The following MYOM1 variants were observed in gnomAD, a reference collection of about 807,000 sequenced individuals.
MYOM1 encodes the protein myomesin-1.
In MYOM1, 164 loss-of-function variants were observed where a neutral mutation model predicts 205.3. That is an observed-to-expected ratio of 0.80 (90% confidence interval 0.70 to 0.91). MYOM1 has a LOEUF of 0.91. MYOM1 is among the 40% of genes least tolerant of loss of function. The pLI is 0.00. For missense variants in MYOM1, 2,011 were observed against 2,127.3 expected (o/e 0.95, Z 1.08); for synonymous variants, 772 against 789.4 (o/e 0.98, Z 0.37).
chr18:3,107,416 C>T (rs2079466577), intron 22 of MYOM1, among the ~76,000 whole-genome samples: 1 of 152,202 alleles, frequency 6.6e-6, no homozygotes. Context: ...CGCACCCGGC[C>T]AGGTTTAAAA....
chr18:3,197,833 A>G (rs4299241), intron 2 of MYOM1, among the ~76,000 whole-genome samples: 9 of 152,228 alleles, frequency 5.9e-5, no homozygotes, highest in Non-Finnish European at 1.3e-4. Context: ...AGATCGCACC[A>G]CTGCACTCTG....
chr18:3,207,687 C>T (rs760683068), intron 2 of MYOM1, among the ~76,000 whole-genome samples: 5 of 152,226 alleles, frequency 3.3e-5, no homozygotes, highest in Non-Finnish European at 7.3e-5. Flanking sequence ...CACTACCTGG[C>T]CAGTGCCGAC....
At chr18:3,067,659 A>G (rs2078913067) in intron 37 of MYOM1, 104 bp from the exon 38 acceptor site, 2 of 1,243,146 alleles carry the variant, frequency 1.6e-6, no homozygotes, top group African/African-American at 1.5e-5. Context: ...AAGGGAGGAT[A>G]AGTAAAAGCC....
At position 3,142,016 on chromosome 18, in the gene MYOM1, T is replaced by A. The variant is rs1245606909; in HGVS notation, c.1948A>T (p.Thr650Ser). 1 of 1,613,760 alleles carries A rather than the reference T, an allele frequency of 6.2e-7. No individual in the cohort carries two copies. ...PPTDLSVTEA[T>S]RSYVVLSWKP... is the part of the protein sequence containing the mutation. ...CAGCTGAGCACCACATAGCTCCGGGTGGCCTCAGTGACAGAGAGGTCTGTC... is the reference window on the plus strand; with the variant it reads ...CAGCTGAGCACCACATAGCTCCGGGAGGCCTCAGTGACAGAGAGGTCTGTC... The change falls in exon 14 of 38, where the codon ACC (threonine) becomes TCC (serine). Residue 650 changes from threonine to serine, a missense_variant. Physicochemically the swap from Thr to Ser is moderately conservative, Grantham distance 58. Transcript: ENST00000356443.
chr18:3,246,644 G>A, the MYOM1 span: 7,888 of 152,244 alleles, frequency 0.052, 579 homozygotes, highest in African/African-American at 0.16. Context: ...ACTATTCCGC[G>A]GCGTTTACAG....
intron 33 of MYOM1, 111 bp from the exon 34 acceptor site, chr18:3,079,453 G>A (rs1019051198): frequency 6.7e-5 from 80 of 1,198,424 alleles, no homozygotes; most frequent in Middle Eastern, 2.5e-4. Flanking sequence ...TTCAAAAAAC[G>A]AGGGATCTGC....
chr18:3,240,499 A>G, the MYOM1 span, among the ~76,000 whole-genome samples: 3 of 152,232 alleles, frequency 2.0e-5, no homozygotes, highest in Non-Finnish European at 4.4e-5. Flanking sequence ...CACCATGTAG[A>G]CATGCCTTTC....
chr18:3,228,401 G>A, the MYOM1 span, among the ~76,000 whole-genome samples: 2 of 152,156 alleles, frequency 1.3e-5, no homozygotes, highest in Non-Finnish European at 2.9e-5. The surrounding 1 kb of genome is among the most constrained non-coding windows in gnomAD (Gnocchi z 4.5). Flanking sequence ...GAAACAGGCT[G>A]GAACAACGGA....
chr18:3,078,973 C>CT lies in MYOM1; in HGVS notation c.4648+205dup, dbSNP rs11408756. Among the ~76,000 whole-genome samples the CT allele has an allele frequency of 0.82, 86,879 of 105,890 alleles. 36,533 individuals are homozygous for CT. The highest frequency in any genetic ancestry group is 0.89 in the Admixed American group (7,870 of 8,890). 69.5% of individuals were successfully genotyped at this position (105,890 alleles called of 152,430 possible). On this transcript the variant is annotated intron_variant, in intron 34 of 37. Transcript: ENST00000356443. Reference sequence around the variant, plus strand: ...AGGTGTGTGCCACTTTACCCAGCTACTTTTTTTTTTTTTTTTTTTTTTAGA... The same window carrying CT: ...AGGTGTGTGCCACTTTACCCAGCTACTTTTTTTTTTTTTTTTTTTTTTTAGA...
chr18:3,149,961 G>A (rs1214720738), intron 12 of MYOM1, among the ~76,000 whole-genome samples: 2 of 152,184 alleles, frequency 1.3e-5, no homozygotes, highest in African/African-American at 4.8e-5. Context: ...GAATTTGCAA[G>A]TTTAGAAAGG....
upstream of MYOM1, among the ~76,000 whole-genome samples, chr18:3,222,748 C>T (rs1310464054): frequency 6.7e-6 from 1 of 150,328 alleles, no homozygotes; most frequent in South Asian, 2.1e-4. Flanking sequence ...CAGGCATACA[C>T]ACACAGTTAA....
intron 2 of MYOM1, among the ~76,000 whole-genome samples, chr18:3,195,728 T>C (rs912983568): frequency 6.6e-6 from 1 of 152,234 alleles, no homozygotes; most frequent in Non-Finnish European, 1.5e-5. Context: ...TTCTTTTCAT[T>C]GCATTGCTCC....
the MYOM1 span, among the ~76,000 whole-genome samples, chr18:3,239,853 G>A: frequency 6.6e-6 from 1 of 151,228 alleles, no homozygotes. Context: ...CTTGAAGTCT[G>A]TGGTCATTAA....
chr18:3,091,159 C>T (rs1341829837), intron 26 of MYOM1, among the ~76,000 whole-genome samples: 1 of 151,914 alleles, frequency 6.6e-6, no homozygotes, highest in East Asian at 1.9e-4. Flanking sequence ...CTACTAAAAA[C>T]ACAAAAATTA....
intron 5 of MYOM1, among the ~76,000 whole-genome samples, chr18:3,185,559 T>C (rs1054964998): frequency 1.7e-4 from 26 of 152,302 alleles, no homozygotes; most frequent in African/African-American, 6.3e-4. Flanking sequence ...TGGGAAGTAA[T>C]TGGTTTTTTA....
At chr18:3,206,928 T>G (rs961134422) in intron 2 of MYOM1, among the ~76,000 whole-genome samples, 8 of 152,222 alleles carry the variant, frequency 5.3e-5, no homozygotes, top group African/African-American at 1.9e-4. Context: ...GGATTTTAAT[T>G]TTTTTTGCAT....
chr18:3,098,317 A>G (rs1274756149), intron 25 of MYOM1, among the ~76,000 whole-genome samples: 1 of 151,942 alleles, frequency 6.6e-6, no homozygotes, highest in East Asian at 1.9e-4. Flanking sequence ...TTGCTCTGTC[A>G]CCCAGGCTGG....
chr18:3,199,327 G>C (rs1481793611), intron 2 of MYOM1, among the ~76,000 whole-genome samples: 1 of 152,126 alleles, frequency 6.6e-6, no homozygotes, highest in Non-Finnish European at 1.5e-5. Flanking sequence ...TCAGGCTTGG[G>C]GCAAGCAGCA....
At chr18:3,198,776 C>G (rs7230962) in intron 2 of MYOM1, among the ~76,000 whole-genome samples, 1,976 of 148,698 alleles carry the variant, frequency 0.013, 45 homozygotes, top group African/African-American at 0.046. Flanking sequence ...GAGGGAGACT[C>G]TGTCTCAAAA....
Sources: allele counts gnomAD v4.1 joint callset (sites outside exome capture counted in the v4.1 genomes callset), GRCh38; gene constraint gnomAD v4.1.1; non-coding constraint Gnocchi (gnomAD v3.1); transcripts MANE v1.5; gene names NCBI Gene and HGNC (gene_info 2026-07-23, HGNC 2026-07-21).